XRCC4: variants seen among roughly 807,000 people sequenced by gnomAD.
XRCC4 encodes the protein X-ray repair cross complementing 4, also known as DNA repair protein XRCC4.
In XRCC4, 28 loss-of-function variants were observed where a neutral mutation model predicts 39.1. That is an observed-to-expected ratio of 0.72 (90% CI 0.53 to 0.98). XRCC4 has a LOEUF of 0.98. XRCC4 is among the 50% of genes least tolerant of loss of function. XRCC4 has a pLI of 0.00. For missense variants in XRCC4, 350 were observed against 376.4 expected, an observed-to-expected ratio of 0.93 and a Z score of 0.58; for synonymous variants, 123 against 126.4, an observed-to-expected ratio of 0.97 and a Z score of 0.18.
At chr5:83,089,425 G>T (rs1000580034) in intron 1 of XRCC4, among the ~76,000 whole-genome samples, 4 of 152,136 alleles carry the variant, frequency 2.6e-5, no homozygotes, top group African/African-American at 9.7e-5. Flanking sequence ...CCCCCAGTGG[G>T]GGAATAAGAT....
intron 7 of XRCC4, among the ~76,000 whole-genome samples, chr5:83,267,588 C>T (rs1754000016): frequency 6.6e-6 from 1 of 152,114 alleles, no homozygotes; most frequent in Non-Finnish European, 1.5e-5. Context: ...TTTAAGGAAA[C>T]CATGGTAGGA....
chr5:83,244,229 G>A (rs1753017347), intron 6 of XRCC4, among the ~76,000 whole-genome samples: 1 of 151,764 alleles, frequency 6.6e-6, no homozygotes, highest in Non-Finnish European at 1.5e-5. Context: ...TTTCACGTCA[G>A]TAATTTTTTA....
intron 3 of XRCC4, among the ~76,000 whole-genome samples, chr5:83,129,214 A>G (rs1042626624): frequency 7.0e-6 from 1 of 142,934 alleles, no homozygotes; most frequent in Non-Finnish European, 1.5e-5. Context: ...TTTTCCCAGC[A>G]CCATTTATTA....
chr5:83,349,664 T>G (rs1386005734), intron 7 of XRCC4, among the ~76,000 whole-genome samples: 2 of 152,200 alleles, frequency 1.3e-5, no homozygotes, highest in African/African-American at 4.8e-5. Context: ...ATATGCTGAT[T>G]TTTTTAAAAC....
chr5:83,198,105 A>G (rs770778128), intron 4 of XRCC4, among the ~76,000 whole-genome samples: 11 of 152,172 alleles, frequency 7.2e-5, no homozygotes, highest in Non-Finnish European at 1.5e-4. Context: ...GAAATAGGAC[A>G]TGAGCATATG....
At chr5:83,110,295 A>G (rs917512709) in intron 2 of XRCC4, among the ~76,000 whole-genome samples, 5 of 152,072 alleles carry the variant, frequency 3.3e-5, no homozygotes, top group African/African-American at 1.2e-4. Flanking sequence ...AGATCTTAAA[A>G]TACGTTTATT....
At chr5:83,192,414 TCTC>T (rs1750751988) in intron 3 of XRCC4, among the ~76,000 whole-genome samples, 2 of 151,368 alleles carry the variant, frequency 1.3e-5, no homozygotes, top group Admixed American at 1.3e-4. Flanking sequence ...TTCAAGCAAT[TCTC>T]CTGCCTCAAC....
At chr5:83,347,651 C>A (rs1369910913) in intron 7 of XRCC4, among the ~76,000 whole-genome samples, 1 of 152,174 alleles carries the variant, frequency 6.6e-6, no homozygotes, top group Non-Finnish European at 1.5e-5. Flanking sequence ...TGGGTGCAGA[C>A]ACAAAGCCAA....
chr5:83,218,198 A>G (rs568332293), intron 6 of XRCC4, among the ~76,000 whole-genome samples: 11 of 146,002 alleles, frequency 7.5e-5, no homozygotes, highest in Admixed American at 1.4e-4. Context: ...AGGTAGATCT[A>G]CTAATGCTAT....
chr5:83,145,407 T>G (rs1179215274), intron 3 of XRCC4, among the ~76,000 whole-genome samples: 1 of 151,962 alleles, frequency 6.6e-6, no homozygotes, highest in African/African-American at 2.4e-5. Flanking sequence ...ATCTGAGGAG[T>G]ATTGGTTTTT....
intron 7 of XRCC4, among the ~76,000 whole-genome samples, chr5:83,351,874 T>C (rs951723331): frequency 6.6e-6 from 1 of 152,246 alleles, no homozygotes; most frequent in Non-Finnish European, 1.5e-5. Flanking sequence ...TTAAAAATAC[T>C]CATCACCTAA....
At chr5:83,362,446 TCA>T in the XRCC4 span, among the ~76,000 whole-genome samples, 1 of 152,202 alleles carries the variant, frequency 6.6e-6, no homozygotes, top group Admixed American at 6.5e-5. Flanking sequence ...ATTTGGAATT[TCA>T]CAGTGTGGTT....
intron 7 of XRCC4, among the ~76,000 whole-genome samples, chr5:83,272,095 A>G (rs1434085637): frequency 6.6e-6 from 1 of 152,216 alleles, no homozygotes; most frequent in Non-Finnish European, 1.5e-5. Flanking sequence ...AGTAAGACCT[A>G]CAATTAAAAC....
intron 7 of XRCC4, among the ~76,000 whole-genome samples, chr5:83,266,351 G>T (rs1321890765): frequency 6.7e-6 from 1 of 149,728 alleles, no homozygotes; most frequent in Non-Finnish European, 1.5e-5. Context: ...TAAGTATTTG[G>T]TCCGTAGTAA....
intron 3 of XRCC4, among the ~76,000 whole-genome samples, chr5:83,143,663 C>G (rs1230869301): frequency 6.6e-6 from 1 of 151,970 alleles, no homozygotes. Context: ...TTTAATTTTG[C>G]CTTCAATCTT....
chr5:83,346,071 T>G (rs1036409117), intron 7 of XRCC4, among the ~76,000 whole-genome samples: 33 of 152,294 alleles, frequency 2.2e-4, no homozygotes, highest in African/African-American at 7.9e-4. Context: ...GAGAGTATCA[T>G]CTGGAGAAGT....
chr5:83,100,357 C>G (rs1273065894), intron 1 of XRCC4, among the ~76,000 whole-genome samples: 1 of 151,974 alleles, frequency 6.6e-6, no homozygotes. Flanking sequence ...CCCCAGATGT[C>G]TTTTTAACAT....
intron 3 of XRCC4, among the ~76,000 whole-genome samples, chr5:83,141,294 A>G (rs968593713): frequency 2.0e-5 from 3 of 152,144 alleles, no homozygotes; most frequent in African/African-American, 7.2e-5. Context: ...TGTATTGTTG[A>G]AGGTTTATCT....
intron 7 of XRCC4, among the ~76,000 whole-genome samples, chr5:83,260,529 G>A (rs1204059670): frequency 6.6e-6 from 1 of 151,950 alleles, no homozygotes; most frequent in Non-Finnish European, 1.5e-5. Flanking sequence ...CTGCATCTTA[G>A]GTCTTTTCAC....
Sources: allele counts gnomAD v4.1 joint callset (sites outside exome capture counted in the v4.1 genomes callset), GRCh38; gene constraint gnomAD v4.1.1; transcripts MANE v1.5; gene names NCBI Gene and HGNC (gene_info 2026-07-23, HGNC 2026-07-21).